ADAMTS14: variants seen among roughly 807,000 people sequenced by gnomAD.
The protein encoded by ADAMTS14 is ADAM metallopeptidase with thrombospondin type 1 motif 14.
A neutral mutation model predicts 128.6 loss-of-function variants in ADAMTS14; 100 were observed. That is an observed-to-expected ratio of 0.78 (90% CI 0.66 to 0.92). The LOEUF (loss-of-function observed/expected upper bound fraction) is 0.92, where lower values mean the gene tolerates loss of function less well. Ranked by LOEUF, ADAMTS14 falls within the 40% of genes least tolerant of loss-of-function variation. The probability of loss-of-function intolerance (pLI) is 0.00; values close to 1 mark genes in which losing one functional copy is unlikely to be tolerated. For synonymous variants in ADAMTS14, 665 were observed against 653.8 expected, an observed-to-expected ratio of 1.02 and a Z score of -0.26; for missense variants, 1,562 against 1,658.6, an observed-to-expected ratio of 0.94 and a Z score of 1.01.
Position 70,760,886 on chromosome 10 carries a change from ACT to A in ADAMTS14, c.*36_*37del. 2 of 1,531,750 alleles carry A rather than the reference ACT, an allele frequency of 1.3e-6. No homozygotes were observed. Among genetic ancestry groups the A allele is most frequent in the South Asian group, 2.5e-5 (2 of 78,844 alleles). 94.9% of individuals were successfully genotyped at this position (1,531,750 alleles called of 1,614,324 possible). On this transcript the variant is annotated 3_prime_UTR_variant, in exon 22 of 22. Coordinates refer to ENST00000373207, the MANE Select transcript of ADAMTS14 (RefSeq NM_080722.4). ...CCTGCCATCCCACTGGCACGTTTAC[ACT>A]CTGTGTACTGCCCCGTGACTCCCAG...
rs1050093181 is a variant in ADAMTS14 at position 70,674,459 on chromosome 10, TGA to T, written c.83-93_83-92del. 19 of 1,270,154 alleles carry T rather than the reference TGA, an allele frequency of 1.5e-5. No homozygotes were observed. In the African/African-American group the frequency reaches 2.4e-4, roughly 16 times the overall value. 78.7% of individuals were successfully genotyped at this position (1,270,154 alleles called of 1,614,324 possible). ...TAAGGGGCCCACCTAAGGGTGACAC[TGA>T]GAGTTCCTATCCCTCCCTGCCCGCG... On this transcript the variant is annotated intron_variant, in intron 1 of 21. Transcript: ENST00000373207.
rs753194347 is a variant in ADAMTS14, at chr10:70,751,478, G to T, written c.2428G>T (p.Ala810Ser). 2 of 1,599,132 alleles carry T rather than the reference G, an allele frequency of 1.3e-6. No individual in the cohort carries two copies. Among genetic ancestry groups the T allele is most frequent in the South Asian group, 1.1e-5 (1 of 90,594 alleles). Reference protein sequence around the residue: ...GPLPEAIAILALPPTEGGPRS... With the variant: ...GPLPEAIAILSLPPTEGGPRS... ...GTGCCAGCTCCCCATCTCCCCTCAGGCTCTCCCCCCAACTGAGGGTGGCCC... is the reference window on the plus strand; with the variant it reads ...GTGCCAGCTCCCCATCTCCCCTCAGTCTCTCCCCCCAACTGAGGGTGGCCC... Residue 810 changes from alanine to serine, a missense_variant and splice_region_variant, in exon 17 of 22, where the codon GCT becomes TCT. Ala to Ser is a moderately conservative substitution (Grantham distance 99). Transcript: ENST00000373207.
intron 2 of ADAMTS14, among the ~76,000 whole-genome samples, chr10:70,679,863 G>A (rs1468635163): frequency 6.6e-6 from 1 of 152,140 alleles, no homozygotes; most frequent in East Asian, 1.9e-4. Flanking sequence ...CTGCATCCCA[G>A]CCCAGCTGCT....
At chr10:70,691,785 G>C (rs1421776974) in intron 2 of ADAMTS14, among the ~76,000 whole-genome samples, 2 of 152,160 alleles carry the variant, frequency 1.3e-5, no homozygotes, top group African/African-American at 4.8e-5. Context: ...TGGTCATGAA[G>C]TAAGAGGCGT....
intron 12 of ADAMTS14, among the ~76,000 whole-genome samples, chr10:70,742,294 G>C (rs1056433856): frequency 5.3e-5 from 8 of 151,614 alleles, no homozygotes; most frequent in Non-Finnish European, 8.8e-5. Context: ...CCCAGACCCA[G>C]GTCCCTACAG....
At chr10:70,681,138 T>G (rs79236702) in intron 2 of ADAMTS14, among the ~76,000 whole-genome samples, 1 of 152,190 alleles carries the variant, frequency 6.6e-6, no homozygotes, top group East Asian at 1.9e-4. Flanking sequence ...GAGGCTGAAC[T>G]GCACAGTAGA....
In ADAMTS14 at chr10:70,751,495, G is replaced by A. The variant is rs781031879; in HGVS notation, c.2445G>A (p.Glu815=). The part of the protein sequence containing the change: ...AIAILALPPT[E]GGPRSSLAYK... ...CCCCTCAGGCTCTCCCCCCAACTGA[G>A]GGTGGCCCCCGCAGCAGCCTGGCCT... Residue 815 remains glutamate, a synonymous_variant, in exon 17 of 22, where the codon GAG becomes GAA. Transcript: ENST00000373207. 1 of 1,606,490 alleles carries A rather than the reference G, an allele frequency of 6.2e-7. No homozygotes were observed. Among genetic ancestry groups the A allele is most frequent in the African/African-American group, 1.3e-5 (1 of 74,798 alleles).
At chr10:70,738,242 T>A (rs1841886905) in intron 10 of ADAMTS14, among the ~76,000 whole-genome samples, 1 of 152,176 alleles carries the variant, frequency 6.6e-6, no homozygotes, top group African/African-American at 2.4e-5. Context: ...TGCCTGGCCC[T>A]GTGCTAAGGC....
At chr10:70,708,315 G>A (rs1840726856) in intron 3 of ADAMTS14, among the ~76,000 whole-genome samples, 1 of 152,200 alleles carries the variant, frequency 6.6e-6, no homozygotes, top group African/African-American at 2.4e-5. Context: ...CACAGAGATA[G>A]GATGAGTGGC....
At chr10:70,734,066 C>G (rs1437615146) in intron 8 of ADAMTS14, 38 bp downstream of exon 8, 1 of 1,594,232 alleles carries the variant, frequency 6.3e-7, no homozygotes, top group East Asian at 2.2e-5. Context: ...GATAGGGGAG[C>G]ATGCGACCTG....
At chr10:70,758,523 A>T (rs1842533931) in intron 21 of ADAMTS14, among the ~76,000 whole-genome samples, 1 of 152,168 alleles carries the variant, frequency 6.6e-6, no homozygotes, top group Non-Finnish European at 1.5e-5. Flanking sequence ...CTGGCAGCAA[A>T]ATCTGACCTG....
At chr10:70,742,922 C>T (rs570321145) in intron 12 of ADAMTS14, among the ~76,000 whole-genome samples, 1 of 152,274 alleles carries the variant, frequency 6.6e-6, no homozygotes, top group African/African-American at 2.4e-5. Flanking sequence ...ACTTTTCTGC[C>T]TTTTTTTCAC....
intron 2 of ADAMTS14, 146 bp from the exon 3 acceptor site, chr10:70,702,166 T>A: frequency 8.3e-7 from 1 of 1,208,800 alleles, no homozygotes; most frequent in Non-Finnish European, 1.1e-6. Context: ...CATCCTGGAA[T>A]CCCAGGGCTC....
chr10:70,690,032 G>A lies in ADAMTS14; in HGVS notation c.523-12280G>A, dbSNP rs1213011523. On this transcript the variant is annotated intron_variant, in intron 2 of 21. Coordinates refer to ENST00000373207, the MANE Select transcript of ADAMTS14 (RefSeq NM_080722.4). ...GTCACCACCCTGCTGTAGAATGTTAGCTCCGTGCAAAGAGTAATTTTTGGC... is the reference window on the plus strand; with the variant it reads ...GTCACCACCCTGCTGTAGAATGTTAACTCCGTGCAAAGAGTAATTTTTGGC... Among the ~76,000 whole-genome samples, 31 of 144,970 alleles carry A rather than the reference G, an allele frequency of 2.1e-4. 1 individual carries two copies. Among genetic ancestry groups the A allele is most frequent in the African/African-American group, 6.8e-4 (28 of 40,926 alleles).
chr10:70,700,866 C>T (rs568541141), intron 2 of ADAMTS14, among the ~76,000 whole-genome samples: 4 of 152,358 alleles, frequency 2.6e-5, no homozygotes, highest in East Asian at 1.9e-4. Flanking sequence ...AAGTGCTCTG[C>T]ATGGATGCAT....
chr10:70,752,543 G>A (rs1025299500), intron 18 of ADAMTS14, among the ~76,000 whole-genome samples: 1 of 152,198 alleles, frequency 6.6e-6, no homozygotes, highest in African/African-American at 2.4e-5. Flanking sequence ...GGATTATTTA[G>A]GGGAGAGACT....
At chr10:70,750,064 G>T in intron 16 of ADAMTS14, 79 bp downstream of exon 16, 2 of 1,555,134 alleles carry the variant, frequency 1.3e-6, no homozygotes, top group Non-Finnish European at 1.7e-6. Flanking sequence ...TGCCAAGCCA[G>T]CGTGACACCA....
intron 4 of ADAMTS14, among the ~76,000 whole-genome samples, chr10:70,715,794 G>C (rs894446491): frequency 6.6e-6 from 1 of 152,180 alleles, no homozygotes; most frequent in African/African-American, 2.4e-5. Flanking sequence ...ATTCAGAAGG[G>C]GGTAGGAAGC....
At chr10:70,691,897 A>G (rs74674413) in intron 2 of ADAMTS14, among the ~76,000 whole-genome samples, 2,302 of 152,266 alleles carry the variant, frequency 0.015, 56 homozygotes, top group African/African-American at 0.053. Flanking sequence ...TGTTATGATG[A>G]ACACACCTGT....
Sources: gnomAD v4.1 joint callset for allele counts (sites outside exome capture counted in the v4.1 genomes callset) on GRCh38, gnomAD v4.1.1 for gene constraint, MANE v1.5 for transcripts, NCBI Gene and HGNC (gene_info 2026-07-23, HGNC 2026-07-21) for gene names.